The following CLDN10 variants were observed in gnomAD, a reference collection of about 807,000 sequenced individuals.
The protein encoded by CLDN10 is claudin-10.
In CLDN10, 15 loss-of-function variants were observed where a neutral mutation model predicts 22.9. That is an observed-to-expected ratio of 0.65 (90% CI 0.44 to 1.01). The LOEUF is 1.01. Among genes scored for constraint, CLDN10 ranks in the 50% least tolerant of loss-of-function variants. CLDN10 has a pLI of 0.00. For missense variants in CLDN10, 247 were observed against 287.8 expected, an observed-to-expected ratio of 0.86 and a Z score of 1.03; for synonymous variants, 114 against 111.4, an observed-to-expected ratio of 1.02 and a Z score of -0.15.
intron 1 of CLDN10, among the ~76,000 whole-genome samples, chr13:95,435,909 G>C (rs1415575977): frequency 1.3e-5 from 2 of 151,142 alleles, no homozygotes; most frequent in African/African-American, 4.9e-5. Flanking sequence ...ACCTGTCTCT[G>C]ACTCTCAAAA....
At chr13:95,519,228 C>A (rs945628150) in intron 1 of CLDN10, among the ~76,000 whole-genome samples, 9 of 152,154 alleles carry the variant, frequency 5.9e-5, no homozygotes, top group African/African-American at 2.2e-4. Flanking sequence ...AAGATCTGGG[C>A]TTTTTCTGTC....
chr13:95,473,697 G>A (rs181063638), intron 1 of CLDN10, among the ~76,000 whole-genome samples: 4 of 152,302 alleles, frequency 2.6e-5, no homozygotes, highest in Admixed American at 6.5e-5. Flanking sequence ...GCTCTGACTC[G>A]GCAGGTCAGG....
rs534455241 is a variant in CLDN10, at chr13:95,578,947, A to G, written c.*933A>G. 1.2e-3 allele frequency: 188 copies of G among 152,354 alleles called. No individual in the cohort carries two copies. The highest frequency in any genetic ancestry group is 4.1e-3 in the African/African-American group (172 of 41,574). The allele number at this position is 152,354 out of a possible 1,614,324, so 9.4% of individuals were successfully genotyped here. On this transcript the variant is annotated 3_prime_UTR_variant, in exon 5 of 5. Coordinates refer to ENST00000299339, the MANE Select transcript of CLDN10 (RefSeq NM_006984.5). ...GAGGCGTCCCTGGCACGGAATGCAG[A>G]GCCCTGAGCTAGGGCATCAGCAGAA...
chr13:95,546,338 A>G (rs562548863), intron 1 of CLDN10, among the ~76,000 whole-genome samples: 1 of 152,232 alleles, frequency 6.6e-6, no homozygotes, highest in Non-Finnish European at 1.5e-5. Flanking sequence ...CTTCCAGAGC[A>G]AGTGACTTAA....
chr13:95,455,498 A>C (rs1303471559), intron 1 of CLDN10, among the ~76,000 whole-genome samples: 1 of 152,208 alleles, frequency 6.6e-6, no homozygotes, highest in Non-Finnish European at 1.5e-5. Flanking sequence ...TAGAGAACAG[A>C]AACTGTGGCT....
intron 3 of CLDN10, 35 bp downstream of exon 3, chr13:95,560,498 G>A: frequency 6.6e-7 from 1 of 1,505,256 alleles, no homozygotes; most frequent in South Asian, 1.1e-5. Context: ...CCAGCTCACA[G>A]GAAGTGTATA....
chr13:95,509,041 G>A (rs1431650354), intron 1 of CLDN10, among the ~76,000 whole-genome samples: 1 of 152,276 alleles, frequency 6.6e-6, no homozygotes, highest in Non-Finnish European at 1.5e-5. Context: ...TGAGGCTGAA[G>A]ATGTCCACTG....
intron 1 of CLDN10, among the ~76,000 whole-genome samples, chr13:95,494,733 G>T (rs571855532): frequency 6.6e-6 from 1 of 152,088 alleles, no homozygotes; most frequent in African/African-American, 2.4e-5. Context: ...TTCCTCTAGC[G>T]TGTTCTGAAG....
intron 1 of CLDN10, among the ~76,000 whole-genome samples, chr13:95,521,491 T>C (rs2043224185): frequency 6.6e-6 from 1 of 152,164 alleles, no homozygotes; most frequent in African/African-American, 2.4e-5. Flanking sequence ...CATTGGTTGA[T>C]TTTCTAATAT....
At chr13:95,512,435 G>A (rs2043114368) in intron 1 of CLDN10, among the ~76,000 whole-genome samples, 1 of 152,128 alleles carries the variant, frequency 6.6e-6, no homozygotes, top group Non-Finnish European at 1.5e-5. Context: ...TTGGGTTTGT[G>A]TATCTGTTTT....
At chr13:95,552,517 G>A (rs2043577327), upstream of CLDN10, among the ~76,000 whole-genome samples, 1 of 145,694 alleles carries the variant, frequency 6.9e-6, no homozygotes, top group African/African-American at 2.8e-5. Flanking sequence ...ACGCGGGCGC[G>A]GGCCAGCTGC....
intron 1 of CLDN10, among the ~76,000 whole-genome samples, chr13:95,538,284 C>T (rs1947142303): frequency 6.6e-6 from 1 of 150,842 alleles, no homozygotes. Flanking sequence ...CTTACAGGCG[C>T]CCACCACCAC....
chr13:95,485,945 A>AT (rs1459172543), intron 1 of CLDN10, among the ~76,000 whole-genome samples: 1 of 152,184 alleles, frequency 6.6e-6, no homozygotes, highest in Non-Finnish European at 1.5e-5. Context: ...AATATGCCAG[A>AT]TTCTGTTTCT....
chr13:95,496,225 C>G (rs1381425850), intron 1 of CLDN10, among the ~76,000 whole-genome samples: 3 of 152,214 alleles, frequency 2.0e-5, no homozygotes, highest in Admixed American at 6.5e-5. Flanking sequence ...AGCACACATT[C>G]ACGTCTGACG....
intron 1 of CLDN10, among the ~76,000 whole-genome samples, chr13:95,494,285 C>G (rs115993198): frequency 6.6e-6 from 1 of 152,078 alleles, no homozygotes; most frequent in Non-Finnish European, 1.5e-5. Flanking sequence ...ATAGGTGGCA[C>G]GAATAATCAT....
At chr13:95,508,226 C>A (rs1048792217) in intron 1 of CLDN10, among the ~76,000 whole-genome samples, 15 of 152,218 alleles carry the variant, frequency 9.9e-5, no homozygotes, top group Non-Finnish European at 1.6e-4. Flanking sequence ...TCATTGCATT[C>A]CCTAAAACTA....
intron 1 of CLDN10, among the ~76,000 whole-genome samples, chr13:95,504,557 T>C (rs2043018462): frequency 6.6e-6 from 1 of 152,054 alleles, no homozygotes; most frequent in Non-Finnish European, 1.5e-5. Flanking sequence ...TTTTTATATT[T>C]TTAGTAGAGA....
intron 1 of CLDN10, among the ~76,000 whole-genome samples, chr13:95,474,609 A>G (rs2042667102): frequency 1.3e-5 from 2 of 152,252 alleles, no homozygotes; most frequent in South Asian, 4.1e-4. Context: ...GAAGAGAGTA[A>G]GAGAACAAAT....
chr13:95,529,278 A>T (rs574060969), intron 1 of CLDN10, among the ~76,000 whole-genome samples: 1 of 152,170 alleles, frequency 6.6e-6, no homozygotes, highest in East Asian at 1.9e-4. Flanking sequence ...TCAATCAGTA[A>T]GTTAGTGGTG....
Sources: allele counts gnomAD v4.1 joint callset (sites outside exome capture counted in the v4.1 genomes callset), GRCh38; gene constraint gnomAD v4.1.1; transcripts MANE v1.5; gene names NCBI Gene and HGNC (gene_info 2026-07-23, HGNC 2026-07-21).